CD27: variants seen among roughly 807,000 people sequenced by gnomAD.
CD27 encodes CD27 antigen.
Under a neutral mutation model 25.9 loss-of-function variants are expected in CD27, and 16 were observed. That is an observed-to-expected ratio of 0.62 (90% confidence interval 0.42 to 0.94). The LOEUF is 0.94. Among genes scored for constraint, CD27 ranks in the 40% least tolerant of loss-of-function variants. CD27 has a pLI of 0.00. For missense variants in CD27, 300 were observed against 333.2 expected (o/e 0.90, Z 0.78); for synonymous variants, 142 against 124.3 (o/e 1.14, Z -0.95).
chr12:6,449,824 T>G (rs1949487346), intron 2 of CD27, among the ~76,000 whole-genome samples: 1 of 151,916 alleles, frequency 6.6e-6, no homozygotes. Flanking sequence ...CACTCCAGCC[T>G]CGGCAACAAG....
At chr12:6,451,172 A>AC in intron 5 of CD27, 96 bp from the exon 6 acceptor site, 1 of 1,497,550 alleles carries the variant, frequency 6.7e-7, no homozygotes, top group Non-Finnish European at 9.0e-7. Context: ...TGCTCCTGAC[A>AC]CCCCTCCCCC....
intron 2 of CD27, among the ~76,000 whole-genome samples, chr12:6,446,086 T>C (rs895009036): frequency 3.3e-5 from 5 of 152,228 alleles, no homozygotes; most frequent in African/African-American, 9.7e-5. Context: ...AGAAGTATAA[T>C]ATCTGCAGTT....
chr12:6,447,772 A>C (rs552118318), intron 2 of CD27: 1 of 149,836 alleles, frequency 6.7e-6, no homozygotes, highest in Non-Finnish European at 1.5e-5. Flanking sequence ...TCCTAATGCT[A>C]TCCCTCCTCC....
rs1003929588 is a variant in CD27 at position 6,451,019 on chromosome 12, G to C, written c.658+5G>C. 4 of 1,613,940 alleles carry C rather than the reference G, an allele frequency of 2.5e-6. No individual in the cohort carries two copies. The African/African-American group carries it at 5.3e-5, about 22-fold the overall frequency. On this transcript the variant is annotated splice_donor_5th_base_variant and intron_variant, in intron 5 of 5. Coordinates refer to ENST00000266557, the MANE Select transcript of CD27 (RefSeq NM_001242.5). ...AACGAAGGAAATATAGATCAAGTAA[G>C]AGACAGAACACAGGCCTCCGGTCCT...
rs1949400448 is a variant in CD27 at position 6,445,417 on chromosome 12, C to T, written c.137-7C>T. The T allele has an allele frequency of 6.2e-7, 1 of 1,614,132 alleles. No individual in the cohort carries two copies. The highest frequency in any genetic ancestry group is 8.5e-7 in the Non-Finnish European group (1 of 1,179,990). On this transcript the variant is annotated splice_region_variant and splice_polypyrimidine_tract_variant and intron_variant, in intron 1 of 5. Coordinates refer to ENST00000266557, the MANE Select transcript of CD27 (RefSeq NM_001242.5). This position sits in a 1 kb window ranked among gnomAD's most constrained non-coding sequence, Gnocchi z 4.5. ...TCAGGCCTTGATCCCTTACCCTCTCCTCCCAGGAACATTCCTCGTGAAGGA... is the reference window on the plus strand; with the variant it reads ...TCAGGCCTTGATCCCTTACCCTCTCTTCCCAGGAACATTCCTCGTGAAGGA...
Position 6,445,158 on chromosome 12 carries a change from T to A in CD27, c.63T>A (p.Thr21=), listed in dbSNP as rs553686868. ...GGACCCTGGTGGGGCTCTCAGCTAC[T>A]CCAGCCCCCAAGAGCTGCCCAGAGA... ...VLGTLVGLSA[T]PAPKSCPERH... The change falls in exon 1 of 6, where the codon ACT becomes ACA. Residue 21 remains threonine (T), a synonymous_variant. Transcript: ENST00000266557. The surrounding 1 kb of genome is among the most constrained non-coding windows in gnomAD (Gnocchi z 4.5). 10 of 1,610,576 alleles carry A rather than the reference T, an allele frequency of 6.2e-6. No homozygotes were observed. Among genetic ancestry groups the A allele is most frequent in the Admixed American group, 5.1e-5 (3 of 59,018 alleles).
upstream of CD27, among the ~76,000 whole-genome samples, chr12:6,444,408 C>A (rs1400211364): frequency 6.6e-6 from 1 of 152,074 alleles, no homozygotes; most frequent in Non-Finnish European, 1.5e-5. Flanking sequence ...AGTTTTGCTG[C>A]AGAAATGTTG....
At chr12:6,446,702 C>A (rs1269666797) in intron 2 of CD27, among the ~76,000 whole-genome samples, 2 of 131,246 alleles carry the variant, frequency 1.5e-5, no homozygotes, top group African/African-American at 7.3e-5. Context: ...TCACTTGAGC[C>A]CAAGAGGTCC....
chr12:6,451,351 CAGG>C lies in CD27; in HGVS notation c.747_749del (p.Glu249del). On this transcript the variant is annotated inframe_deletion, in exon 6 of 6. Coordinates refer to ENST00000266557, the MANE Select transcript of CD27 (RefSeq NM_001242.5). ...GGAGGAGGGCAGCACCATCCCCATC[CAGG>C]AGGATTACCGAAAACCGGAGCCTGC... 3 of 1,613,944 alleles carry C rather than the reference CAGG, an allele frequency of 1.9e-6. No homozygotes were observed. The highest frequency in any genetic ancestry group is 1.7e-6 in the Non-Finnish European group (2 of 1,180,000).
chr12:6,450,967 C>T lies in CD27; in HGVS notation c.611C>T (p.Thr204Ile). The stretch of plus-strand genomic sequence containing the variant: ...TTCTCTGGAATGTTCCTTGTTTTCA[C>T]CCTGGCCGGGGCCCTGTTCCTCCAT... ...VIFSGMFLVF[T>I]LAGALFLHQR... Residue 204 changes from threonine to isoleucine, a missense_variant, in exon 5 of 6, where the codon ACC becomes ATC. Coordinates refer to ENST00000266557, the MANE Select transcript of CD27 (RefSeq NM_001242.5). This position sits in a 1 kb window ranked among gnomAD's most constrained non-coding sequence, Gnocchi z 4.1. 6.2e-7 allele frequency: 1 copy of T among 1,614,126 alleles called. No individual in the cohort carries two copies.
Position 6,451,311 on chromosome 12 carries a change from C to CA in CD27, c.703dup (p.Ser235LysfsTer88). 1 of 1,614,012 alleles carries CA rather than the reference C, an allele frequency of 6.2e-7. No individual in the cohort carries two copies. Among genetic ancestry groups the CA allele is most frequent in the African/African-American group, 1.3e-5 (1 of 75,046 alleles). On this transcript the variant is annotated frameshift_variant, in exon 6 of 6. Transcript: ENST00000266557. LOFTEE classifies it high-confidence loss of function. ...TGGAGCCTGCAGAGCCTTGTCATTA[C>CA]AGCTGCCCCAGGGAGGAGGAGGGCA...
Position 6,445,435 on chromosome 12 carries a change from G to A in CD27, c.148G>A (p.Val50Met), listed in dbSNP as rs763617266. 3.7e-5 allele frequency: 60 copies of A among 1,614,176 alleles called. No individual in the cohort carries two copies. Among genetic ancestry groups the A allele is most frequent in the South Asian group, 2.5e-4 (23 of 91,080 alleles). Residue 50 changes from valine (V) to methionine (M), a missense_variant, in exon 2 of 6, where the codon GTG becomes ATG. By Grantham distance (21) the Val-to-Met change is conservative. Coordinates refer to ENST00000266557, the MANE Select transcript of CD27 (RefSeq NM_001242.5). This position sits in a 1 kb window ranked among gnomAD's most constrained non-coding sequence, Gnocchi z 4.5. ...CQMCEPGTFL[V>M]KDCDQHRKAA... ...CCCTCTCCTCCCAGGAACATTCCTC[G>A]TGAAGGACTGTGACCAGCATAGAAA...
At position 6,445,518 on chromosome 12, in the gene CD27, C is replaced by G. The variant is rs1949402861; in HGVS notation, c.231C>G (p.Thr77=). The G allele has an allele frequency of 1.2e-6, 2 of 1,613,806 alleles. No homozygotes were observed. The highest frequency in any genetic ancestry group is 8.5e-7 in the Non-Finnish European group (1 of 1,180,032). The change falls in exon 2 of 6, where the codon ACC becomes ACG. Residue 77 remains threonine, a synonymous_variant. Coordinates refer to ENST00000266557, the MANE Select transcript of CD27 (RefSeq NM_001242.5). This position sits in a 1 kb window ranked among gnomAD's most constrained non-coding sequence, Gnocchi z 4.5. ...TCTCCTTCTCTCCTGACCACCACAC[C>G]CGGCCCCACTGTGAGAGCTGTCGGC... The part of the protein sequence containing the change: ...PGVSFSPDHH[T]RPHCESCRHC...
Position 6,451,609 on chromosome 12 carries a change from C to T in CD27, c.*217C>T. 1.9e-6 allele frequency: 1 copy of T among 515,458 alleles called. No individual in the cohort carries two copies. 31.9% of individuals were successfully genotyped at this position (515,458 alleles called of 1,614,324 possible). On this transcript the variant is annotated 3_prime_UTR_variant, in exon 6 of 6. Transcript: ENST00000266557. ...TGGGAAGCAGGAGCCCAGCCAGCTG[C>T]GCCTGCGCTGCAGGAGGGCGGGGGC...
intron 5 of CD27, 54 bp downstream of exon 5, chr12:6,451,068 C>T: frequency 7.5e-6 from 12 of 1,610,174 alleles, no homozygotes; most frequent in South Asian, 5.5e-5. Context: ...ACCCCACTGG[C>T]TCAACCCCAC....
rs1357464428 is a variant in CD27, at chr12:6,451,405, G to T, written c.*13G>T. 1.9e-6 allele frequency: 3 copies of T among 1,611,142 alleles called. No individual in the cohort carries two copies. The highest frequency in any genetic ancestry group is 1.3e-5 in the African/African-American group (1 of 74,858). On this transcript the variant is annotated 3_prime_UTR_variant, in exon 6 of 6. Coordinates refer to ENST00000266557, the MANE Select transcript of CD27 (RefSeq NM_001242.5). ...CTGCTCCCCCTGAGCCAGCACCTGC[G>T]GGAGCTGCACTACAGCCCTGGCCTC... is the stretch of plus-strand genomic sequence containing the variant.
rs1351038402 is a variant in CD27, at chr12:6,450,146, A to G, written c.269-27A>G. On this transcript the variant is annotated intron_variant, in intron 2 of 5. Transcript: ENST00000266557. This position sits in a 1 kb window ranked among gnomAD's most constrained non-coding sequence, Gnocchi z 4.1. ...AGGTCTCCACAGGTCTGAGTGTCCT[A>G]TGCTCCCTGGGCCTCTCTTCCCCCA... The G allele has an allele frequency of 5.0e-6, 8 of 1,600,482 alleles. No individual in the cohort carries two copies. The highest frequency in any genetic ancestry group is 6.0e-6 in the Non-Finnish European group (7 of 1,175,864).
At position 6,445,209 on chromosome 12, in the gene CD27, G is replaced by A. The variant is rs1032752799; in HGVS notation, c.114G>A (p.Leu38=). ...PERHYWAQGK[L]CCQMCEPGTF... is the part of the protein sequence containing the mutation. ...GGCACTACTGGGCTCAGGGAAAGCT[G>A]TGCTGCCAGATGTGTGAGCCAGGTA... The change falls in exon 1 of 6, where the codon CTG becomes CTA. Residue 38 remains leucine, a synonymous_variant. Coordinates refer to ENST00000266557, the MANE Select transcript of CD27 (RefSeq NM_001242.5). The surrounding 1 kb of genome is among the most constrained non-coding windows in gnomAD (Gnocchi z 4.5). 1.9e-6 allele frequency: 3 copies of A among 1,613,874 alleles called. No individual in the cohort carries two copies. The highest frequency in any genetic ancestry group is 1.7e-5 in the Admixed American group (1 of 59,940).
At position 6,451,353 on chromosome 12, in the gene CD27, G is replaced by A. The variant is rs1201455890; in HGVS notation, c.744G>A (p.Gln248=). Reference sequence around the variant, plus strand: ...AGGAGGGCAGCACCATCCCCATCCAGGAGGATTACCGAAAACCGGAGCCTG... The same window carrying A: ...AGGAGGGCAGCACCATCCCCATCCAAGAGGATTACCGAAAACCGGAGCCTG... ...REEEGSTIPI[Q]EDYRKPEPAC... is the part of the protein sequence containing the mutation. Residue 248 remains glutamine, a synonymous_variant, in exon 6 of 6, where the codon CAG becomes CAA. Transcript: ENST00000266557. 6.2e-7 allele frequency: 1 copy of A among 1,613,920 alleles called. No homozygotes were observed. Among genetic ancestry groups the A allele is most frequent in the Non-Finnish European group, 8.5e-7 (1 of 1,180,008 alleles).
Sources: allele counts gnomAD v4.1 joint callset (sites outside exome capture counted in the v4.1 genomes callset), GRCh38; gene constraint gnomAD v4.1.1; non-coding constraint Gnocchi (gnomAD v3.1); transcripts MANE v1.5; gene names NCBI Gene and HGNC (gene_info 2026-07-23, HGNC 2026-07-21).